Variants in CCSER1 observed in about 807,000 individuals in gnomAD.
CCSER1 encodes coiled-coil serine rich protein 1.
In CCSER1, 41 loss-of-function variants were observed where a neutral mutation model predicts 82.0. The ratio of observed to expected loss-of-function variants is 0.50; its 90% confidence interval spans 0.39 to 0.65. The LOEUF is 0.65. Ranked by LOEUF, CCSER1 falls within the 30% of genes least tolerant of loss-of-function variation. The probability of loss-of-function intolerance (pLI) is 0.00; values close to 1 mark genes in which losing one functional copy is unlikely to be tolerated. For synonymous variants in CCSER1, 414 were observed against 383.9 expected (o/e 1.08, Z -0.92); for missense variants, 1,119 against 1,064.2 (o/e 1.05, Z -0.72).
chr4:91,007,133 G>T (rs936729866), intron 9 of CCSER1, among the ~76,000 whole-genome samples: 1 of 152,062 alleles, frequency 6.6e-6, no homozygotes, highest in Admixed American at 6.5e-5. Flanking sequence ...CACTTGTTGT[G>T]GGACTTTTTT....
chr4:91,223,849 C>A (rs1737942062), intron 10 of CCSER1, among the ~76,000 whole-genome samples: 1 of 152,050 alleles, frequency 6.6e-6, no homozygotes, highest in African/African-American at 2.4e-5. Context: ...AAATGAGCAA[C>A]CACAGATGTA....
chr4:90,996,318 C>A (rs1737491403), intron 9 of CCSER1, among the ~76,000 whole-genome samples: 1 of 151,926 alleles, frequency 6.6e-6, no homozygotes, highest in South Asian at 2.1e-4. Flanking sequence ...TTGTTGGGAC[C>A]ATTTTATGGT....
intron 3 of CCSER1, among the ~76,000 whole-genome samples, chr4:90,377,864 A>C (rs2153529455): frequency 6.6e-6 from 1 of 152,270 alleles, no homozygotes; most frequent in Admixed American, 6.5e-5. Flanking sequence ...CATAGAAAAT[A>C]ATTGTCATTC....
At chr4:90,779,949 G>A (rs1157021633) in intron 7 of CCSER1, among the ~76,000 whole-genome samples, 1 of 152,292 alleles carries the variant, frequency 6.6e-6, no homozygotes, top group East Asian at 1.9e-4. Flanking sequence ...TATGATATGT[G>A]GGCCTTTGAT....
chr4:91,577,098 A>G (rs1216996744), intron 10 of CCSER1, among the ~76,000 whole-genome samples: 2 of 152,020 alleles, frequency 1.3e-5, no homozygotes, highest in Non-Finnish European at 2.9e-5. Flanking sequence ...ACTTTAAGAG[A>G]TTTGGAAAAG....
intron 9 of CCSER1, among the ~76,000 whole-genome samples, chr4:91,032,632 T>C (rs1276084362): frequency 1.3e-5 from 2 of 152,190 alleles, no homozygotes; most frequent in African/African-American, 4.8e-5. Flanking sequence ...ATGTTTAAAG[T>C]AATAACTGGA....
At chr4:90,329,615 T>G (rs986406599) in intron 3 of CCSER1, among the ~76,000 whole-genome samples, 3 of 152,280 alleles carry the variant, frequency 2.0e-5, no homozygotes, top group African/African-American at 4.8e-5. Context: ...TTACTTGATT[T>G]GTATTTGGCT....
chr4:90,974,056 G>T (rs934409251), intron 9 of CCSER1, among the ~76,000 whole-genome samples: 2 of 151,414 alleles, frequency 1.3e-5, no homozygotes. Context: ...TCAGGGGCTG[G>T]GATACGTAGG....
rs181675630 is a variant in CCSER1, at chr4:91,381,587, A to G, written c.2218-216985A>G. 3.0e-3 allele frequency among the ~76,000 whole-genome samples: 455 copies of G among 152,282 alleles called. 1 individual carries two copies. The highest frequency in any genetic ancestry group is 0.01 in the African/African-American group (430 of 41,562). ...AGGTAGTTCTCGTGCCATGGTTTTC[A>G]GCTCCATCAGGTCATTTAAGGACTT... is the stretch of plus-strand genomic sequence containing the variant. On this transcript the variant is annotated intron_variant, in intron 10 of 10. Transcript: ENST00000509176.
chr4:91,091,050 C>A (rs1402568551), intron 10 of CCSER1, among the ~76,000 whole-genome samples: 2 of 152,162 alleles, frequency 1.3e-5, no homozygotes, highest in Non-Finnish European at 2.9e-5. Flanking sequence ...GACACATGAC[C>A]AGTACCCACA....
chr4:90,814,442 C>G (rs1044935291), intron 7 of CCSER1, among the ~76,000 whole-genome samples: 1 of 152,204 alleles, frequency 6.6e-6, no homozygotes, highest in Admixed American at 6.5e-5. Context: ...TTTCTGCAGT[C>G]ATCTTGAATT....
chr4:90,655,099 A>T (rs1225877672), intron 6 of CCSER1, among the ~76,000 whole-genome samples: 1 of 152,086 alleles, frequency 6.6e-6, no homozygotes, highest in East Asian at 1.9e-4. Flanking sequence ...ATATTAAAAA[A>T]GTATACTTGA....
At chr4:91,150,694 G>T (rs1288788067) in intron 10 of CCSER1, among the ~76,000 whole-genome samples, 1 of 152,098 alleles carries the variant, frequency 6.6e-6, no homozygotes, top group East Asian at 1.9e-4. Flanking sequence ...TAGCATGAAG[G>T]GTTGTTGAAT....
chr4:91,167,422 G>A (rs772296113), intron 10 of CCSER1, among the ~76,000 whole-genome samples: 1 of 151,908 alleles, frequency 6.6e-6, no homozygotes, highest in African/African-American at 2.4e-5. Context: ...CTGACCTAGT[G>A]ATCCACCCGT....
chr4:91,340,729 GT>G (rs1747669341), intron 10 of CCSER1, among the ~76,000 whole-genome samples: 1 of 152,038 alleles, frequency 6.6e-6, no homozygotes, highest in African/African-American at 2.4e-5. Context: ...TTAATTGTTA[GT>G]TTGGACTTCT....
chr4:90,854,612 C>A (rs1464869905), intron 8 of CCSER1, among the ~76,000 whole-genome samples: 1 of 152,160 alleles, frequency 6.6e-6, no homozygotes, highest in African/African-American at 2.4e-5. Context: ...CTTTTCCATC[C>A]TCCAAGACCT....
intron 8 of CCSER1, among the ~76,000 whole-genome samples, chr4:90,842,124 T>C (rs1287013933): frequency 6.6e-6 from 1 of 152,236 alleles, no homozygotes; most frequent in African/African-American, 2.4e-5. Flanking sequence ...ACTAATTTGT[T>C]AGTCAACATA....
At chr4:90,598,842 C>T (rs576798134) in intron 5 of CCSER1, among the ~76,000 whole-genome samples, 1 of 152,024 alleles carries the variant, frequency 6.6e-6, no homozygotes, top group Non-Finnish European at 1.5e-5. Flanking sequence ...GCCTCTGAGG[C>T]ACCTTGTTCC....
intron 9 of CCSER1, among the ~76,000 whole-genome samples, chr4:91,042,077 T>C (rs1742009660): frequency 6.6e-6 from 1 of 152,208 alleles, no homozygotes; most frequent in South Asian, 2.1e-4. Flanking sequence ...TGGTGGTTTT[T>C]GTTTGTGATA....
Sources: gnomAD v4.1 joint callset for allele counts (sites outside exome capture counted in the v4.1 genomes callset) on GRCh38, gnomAD v4.1.1 for gene constraint, MANE v1.5 for transcripts, NCBI Gene and HGNC (gene_info 2026-07-23, HGNC 2026-07-21) for gene names.